LRRC8D: variants seen among roughly 807,000 people sequenced by gnomAD.
The protein encoded by LRRC8D is leucine rich repeat containing 8 VRAC subunit D.
In LRRC8D, 20 loss-of-function variants were observed where a neutral mutation model predicts 55.8. The observed-to-expected ratio is 0.36, with a 90% CI of 0.25 to 0.52. The LOEUF (loss-of-function observed/expected upper bound fraction) is 0.52. Among genes scored for constraint, LRRC8D ranks in the 20% least tolerant of loss-of-function variants. The pLI is 0.93. For synonymous variants in LRRC8D, 352 were observed against 377.0 expected, an observed-to-expected ratio of 0.93 and a Z score of 0.77; for missense variants, 651 against 1,030.8, an observed-to-expected ratio of 0.63 and a Z score of 5.05.
At chr1:89,883,645 T>G (rs1187133811) in intron 2 of LRRC8D, among the ~76,000 whole-genome samples, 1 of 152,186 alleles carries the variant, frequency 6.6e-6, no homozygotes, top group Non-Finnish European at 1.5e-5. Flanking sequence ...CTGTGGGGTT[T>G]CAGCTAGGTG....
At chr1:89,879,850 C>T (rs1662236765) in intron 2 of LRRC8D, among the ~76,000 whole-genome samples, 1 of 151,504 alleles carries the variant, frequency 6.6e-6, no homozygotes, top group Non-Finnish European at 1.5e-5. Context: ...GCTGCTTTTG[C>T]ATTCTAATTG....
intron 2 of LRRC8D, among the ~76,000 whole-genome samples, chr1:89,857,326 G>C (rs1405361364): frequency 6.9e-6 from 1 of 144,954 alleles, no homozygotes; most frequent in Non-Finnish European, 1.5e-5. Context: ...AGGTTGCGGT[G>C]AGCTGAGATC....
chr1:89,822,781 C>T (rs553605063), intron 1 of LRRC8D, among the ~76,000 whole-genome samples: 3 of 152,232 alleles, frequency 2.0e-5, no homozygotes, highest in African/African-American at 7.2e-5. Flanking sequence ...TAAATGGGGT[C>T]CTCAGGCAGC....
rs553981913 is a variant in LRRC8D at position 89,911,177 on chromosome 1, G to GTT, written c.-2-21878_-2-21877dup. 7.0e-6 allele frequency among the ~76,000 whole-genome samples: 1 copy of GTT among 142,998 alleles called. No homozygotes were observed. Among genetic ancestry groups the GTT allele is most frequent in the Non-Finnish European group, 1.5e-5 (1 of 65,158 alleles). The allele number at this position is 142,998 out of a possible 152,430, so 93.8% of individuals were successfully genotyped here. ...ACTCATATGTCCATGCATTTTTGGG[G>GTT]TTTTTTTTTTTTTAGTTATATAGTT... is the stretch of plus-strand genomic sequence containing the variant. On this transcript the variant is annotated intron_variant, in intron 2 of 2. Transcript: ENST00000337338. This position sits in a 1 kb window ranked among gnomAD's most constrained non-coding sequence, Gnocchi z 4.0.
intron 2 of LRRC8D, among the ~76,000 whole-genome samples, chr1:89,901,381 A>C (rs1420865653): frequency 6.6e-6 from 1 of 152,202 alleles, no homozygotes; most frequent in Non-Finnish European, 1.5e-5. Flanking sequence ...CTCTCCTGTA[A>C]AAGGAAAAGA....
At chr1:89,899,515 G>T (rs1027822100) in intron 2 of LRRC8D, among the ~76,000 whole-genome samples, 2 of 152,244 alleles carry the variant, frequency 1.3e-5, no homozygotes, top group African/African-American at 4.8e-5. Context: ...CATTTTTGCA[G>T]AGCTTTAGGA....
At chr1:89,841,295 C>T (rs987522767) in intron 1 of LRRC8D, among the ~76,000 whole-genome samples, 1 of 152,040 alleles carries the variant, frequency 6.6e-6, no homozygotes, top group Non-Finnish European at 1.5e-5. Flanking sequence ...ACTTGAAGGC[C>T]ATGGTCATCT....
intron 2 of LRRC8D, chr1:89,846,758 T>C (rs1661293288): frequency 6.6e-6 from 1 of 152,184 alleles, no homozygotes; most frequent in African/African-American, 2.4e-5. Flanking sequence ...CCAGTGTGAT[T>C]TGTATTCTGC....
At chr1:89,878,462 C>A (rs527966629) in intron 2 of LRRC8D, among the ~76,000 whole-genome samples, 1 of 152,286 alleles carries the variant, frequency 6.6e-6, no homozygotes, top group Non-Finnish European at 1.5e-5. Context: ...ATTCTCTAGG[C>A]CATATTGTTC....
In LRRC8D at chr1:89,821,077, T is replaced by TGCTGCC. The variant is rs3033165; in HGVS notation, c.-347_-342dup. 4 of 153,238 alleles carry TGCTGCC rather than the reference T, an allele frequency of 2.6e-5. No homozygotes were observed. Among genetic ancestry groups the TGCTGCC allele is most frequent in the Non-Finnish European group, 5.8e-5 (4 of 68,538 alleles). The allele number at this position is 153,238 out of a possible 1,614,324, so 9.5% of individuals were successfully genotyped here. Reference sequence around the variant, plus strand: ...CATGTGCTGCTGCTCCCGTCGCCGCTGCTGCCGCTGCCGCTGCCGCCGCCC... The same window carrying TGCTGCC: ...CATGTGCTGCTGCTCCCGTCGCCGCTGCTGCCGCTGCCGCTGCCGCTGCCGCCGCCC... On this transcript the variant is annotated 5_prime_UTR_variant, in exon 1 of 3. Coordinates refer to ENST00000337338, the MANE Select transcript of LRRC8D (RefSeq NM_001134479.2).
chr1:89,837,184 A>G (rs961873525), intron 1 of LRRC8D, among the ~76,000 whole-genome samples: 3 of 152,236 alleles, frequency 2.0e-5, no homozygotes, highest in African/African-American at 7.2e-5. Context: ...ATTCTGGTCA[A>G]GGTGAGGAAG....
intron 1 of LRRC8D, among the ~76,000 whole-genome samples, chr1:89,822,343 A>G (rs1176731318): frequency 6.6e-6 from 1 of 152,114 alleles, no homozygotes; most frequent in African/African-American, 2.4e-5. Flanking sequence ...GATGGGGAAT[A>G]GGTACTGGGG....
chr1:89,890,223 A>G (rs1662542594), intron 2 of LRRC8D, among the ~76,000 whole-genome samples: 1 of 152,102 alleles, frequency 6.6e-6, no homozygotes, highest in Non-Finnish European at 1.5e-5. Context: ...AAAAGCCTTG[A>G]GGATTCCAAA....
intron 2 of LRRC8D, among the ~76,000 whole-genome samples, chr1:89,879,483 G>A (rs1487495811): frequency 6.6e-6 from 1 of 152,192 alleles, no homozygotes; most frequent in Admixed American, 6.5e-5. Context: ...AAATGGATAG[G>A]AAGCTGGTGA....
At chr1:89,932,476 A>G (rs1231604913) in intron 2 of LRRC8D, among the ~76,000 whole-genome samples, 4 of 152,234 alleles carry the variant, frequency 2.6e-5, no homozygotes, top group Non-Finnish European at 5.9e-5. Flanking sequence ...AACAGCTAAC[A>G]AACACTTGTG....
chr1:89,901,229 G>A (rs1015830721), intron 2 of LRRC8D, among the ~76,000 whole-genome samples: 11 of 152,172 alleles, frequency 7.2e-5, no homozygotes, highest in African/African-American at 2.7e-4. Flanking sequence ...TCTGAGCTCT[G>A]ATTCCTCTGC....
intron 2 of LRRC8D, among the ~76,000 whole-genome samples, chr1:89,861,416 T>C (rs932573331): frequency 3.3e-5 from 5 of 152,218 alleles, no homozygotes; most frequent in African/African-American, 1.2e-4. Context: ...TCTGTGCCTT[T>C]TTTCCTTTCT....
chr1:89,904,974 G>A (rs763627068), intron 2 of LRRC8D, among the ~76,000 whole-genome samples: 8 of 129,044 alleles, frequency 6.2e-5, no homozygotes, highest in South Asian at 2.5e-4. Context: ...GCAGGCAAAC[G>A]AATTTTTACA....
At chr1:89,851,840 A>T (rs1323558949) in intron 2 of LRRC8D, among the ~76,000 whole-genome samples, 1 of 152,152 alleles carries the variant, frequency 6.6e-6, no homozygotes, top group African/African-American at 2.4e-5. Context: ...TGATGAAACC[A>T]TGTTGTGTAC....
Sources: allele counts gnomAD v4.1 joint callset (sites outside exome capture counted in the v4.1 genomes callset), GRCh38; gene constraint gnomAD v4.1.1; non-coding constraint Gnocchi (gnomAD v3.1); transcripts MANE v1.5; gene names NCBI Gene and HGNC (gene_info 2026-07-23, HGNC 2026-07-21).